SDK2: variants seen among roughly 807,000 people sequenced by gnomAD.
The protein encoded by SDK2 is protein sidekick-2.
A neutral mutation model predicts 253.9 loss-of-function variants in SDK2; 105 were observed. The ratio of observed to expected loss-of-function variants is 0.41; its 90% CI spans 0.35 to 0.49. SDK2 has a LOEUF of 0.49. Ranked by LOEUF, SDK2 falls within the 20% of genes least tolerant of loss-of-function variation. SDK2 has a pLI of 0.06. For missense variants in SDK2, 2,608 were observed against 3,003.0 expected, an observed-to-expected ratio of 0.87 and a Z score of 3.07; for synonymous variants, 1,249 against 1,234.9, an observed-to-expected ratio of 1.01 and a Z score of -0.24.
intron 4 of SDK2, among the ~76,000 whole-genome samples, chr17:73,449,633 G>T (rs1246624960): frequency 2.3e-5 from 3 of 130,822 alleles, no homozygotes; most frequent in Admixed American, 8.9e-5. Context: ...TTTCTGGAGA[G>T]CTCTTGGCTG....
At chr17:73,444,218 G>A (rs548517986) in intron 5 of SDK2, among the ~76,000 whole-genome samples, 3 of 152,172 alleles carry the variant, frequency 2.0e-5, no homozygotes, top group Non-Finnish European at 2.9e-5. Context: ...GCTCGGGGAC[G>A]CACATTAAGC....
chr17:73,572,425 G>A (rs187719751), intron 1 of SDK2, among the ~76,000 whole-genome samples: 1 of 152,096 alleles, frequency 6.6e-6, no homozygotes, highest in East Asian at 1.9e-4. Flanking sequence ...TTCCTAGCCA[G>A]CTCCCATCCA....
intron 12 of SDK2, among the ~76,000 whole-genome samples, chr17:73,425,870 C>T (rs1199435785): frequency 6.6e-6 from 1 of 152,020 alleles, no homozygotes; most frequent in Non-Finnish European, 1.5e-5. Flanking sequence ...AGGAAACTAA[C>T]ACCACCCACC....
chr17:73,390,520 G>A, intron 28 of SDK2, 39 bp from the exon 29 acceptor site: 3 of 1,565,770 alleles, frequency 1.9e-6, no homozygotes, highest in Admixed American at 1.8e-5. Context: ...GGCAAGCAAG[G>A]CAAGCCGCTC....
At chr17:73,483,511 ATGTGTGTGTG>A (rs1368476754) in intron 2 of SDK2, among the ~76,000 whole-genome samples, 14 of 44,602 alleles carry the variant, frequency 3.1e-4, no homozygotes, top group Non-Finnish European at 4.3e-4. Flanking sequence ...GTGTGTGTGT[ATGTGTGTGTG>A]TATATATATA....
chr17:73,432,349 A>AC (rs775987779), intron 10 of SDK2, among the ~76,000 whole-genome samples: 6 of 149,842 alleles, frequency 4.0e-5, no homozygotes, highest in Non-Finnish European at 8.9e-5. Flanking sequence ...ATTTTAAAGA[A>AC]CCCCCCACCC....
At chr17:73,607,742 G>A (rs1225541040) in intron 1 of SDK2, among the ~76,000 whole-genome samples, 1 of 152,164 alleles carries the variant, frequency 6.6e-6, no homozygotes, top group Non-Finnish European at 1.5e-5. Context: ...GCAACAGAGA[G>A]TCGGATCTCG....
At chr17:73,348,780 C>A in intron 43 of SDK2, 55 bp from the exon 44 acceptor site, 1 of 1,556,714 alleles carries the variant, frequency 6.4e-7, no homozygotes, top group South Asian at 1.1e-5. Context: ...AGCGGCCTCC[C>A]CTGGCCTAGG....
chr17:73,367,675 T>C (rs2062697532), intron 37 of SDK2, among the ~76,000 whole-genome samples: 2 of 151,866 alleles, frequency 1.3e-5, no homozygotes, highest in South Asian at 2.1e-4. Flanking sequence ...GATAATTTTT[T>C]ATATTTTTAG....
At position 73,402,067 on chromosome 17, in the gene SDK2, G is replaced by A; in HGVS notation, c.2559C>T (p.Ile853=). The change falls in exon 19 of 45, where the codon ATC becomes ATT. Residue 853 remains isoleucine, a synonymous_variant. Coordinates refer to ENST00000392650, the MANE Select transcript of SDK2 (RefSeq NM_001144952.2). The stretch of plus-strand genomic sequence containing the variant: ...TCAGGCCAGACACGAAGCCCACGTG[G>A]ATGCTGTCTTGAAAGTTAGGCCGGG... ...VTARPNFQDS[I]HVGFVSGLKK... is the part of the protein sequence containing the mutation. 6.2e-7 allele frequency: 1 copy of A among 1,614,054 alleles called. No homozygotes were observed. The highest frequency in any genetic ancestry group is 8.5e-7 in the Non-Finnish European group (1 of 1,179,888).
Position 73,643,121 on chromosome 17 carries a change from C to T in SDK2, c.64+904G>A, listed in dbSNP as rs2046418401. On this transcript the variant is annotated intron_variant, in intron 1 of 44. Transcript: ENST00000392650. The surrounding 1 kb of genome is among the most constrained non-coding windows in gnomAD (Gnocchi z 6.9). ...GAACCGCCGGTGCAGCCGCCCTTCA[C>T]CTCGGGGACCTGCCCGGGGACCAGG... 1 of 152,388 alleles carries T rather than the reference C, an allele frequency of 6.6e-6. No homozygotes were observed. Among genetic ancestry groups the T allele is most frequent in the Admixed American group, 6.5e-5 (1 of 15,288 alleles). The allele number at this position is 152,388 out of a possible 1,614,324, so 9.4% of individuals were successfully genotyped here. A position where few individuals can be genotyped will look rare whatever the true frequency, so the allele number is the denominator to read the frequency against.
chr17:73,538,625 C>T (rs2044818257), intron 1 of SDK2, among the ~76,000 whole-genome samples: 1 of 152,240 alleles, frequency 6.6e-6, no homozygotes, highest in East Asian at 1.9e-4. Context: ...CAACTTCTCG[C>T]CCACGCCTAG....
chr17:73,515,636 T>A (rs2064020090), intron 1 of SDK2, among the ~76,000 whole-genome samples: 1 of 152,112 alleles, frequency 6.6e-6, no homozygotes, highest in Non-Finnish European at 1.5e-5. Flanking sequence ...GGGGGCCAAG[T>A]AAAATGAAGC....
At chr17:73,367,046 C>T (rs2062690818) in intron 37 of SDK2, among the ~76,000 whole-genome samples, 1 of 152,190 alleles carries the variant, frequency 6.6e-6, no homozygotes, top group African/African-American at 2.4e-5. Flanking sequence ...CTCTGTCACC[C>T]AGGCTGGAGT....
intron 38 of SDK2, 59 bp downstream of exon 38, chr17:73,365,194 CTGAGA>C (rs1470990067): frequency 2.9e-5 from 39 of 1,336,576 alleles, no homozygotes; most frequent in South Asian, 2.8e-4. Context: ...GTGATGGGCG[CTGAGA>C]TGAGAGCGAG....
At chr17:73,412,579 T>C (rs2063148347) in intron 18 of SDK2, among the ~76,000 whole-genome samples, 1 of 152,124 alleles carries the variant, frequency 6.6e-6, no homozygotes, top group African/African-American at 2.4e-5. Context: ...AATGAGGTCA[T>C]TAGTGTGGGC....
At chr17:73,635,142 T>C (rs1567885781) in intron 1 of SDK2, among the ~76,000 whole-genome samples, 2 of 152,052 alleles carry the variant, frequency 1.3e-5, no homozygotes, top group Non-Finnish European at 2.9e-5. Context: ...CGTGCTACCA[T>C]GCCCAGCTCA....
Position 73,352,448 on chromosome 17 carries a change from A to G in SDK2, c.5758+25T>C, listed in dbSNP as rs984489076. The G allele has an allele frequency of 1.6e-5, 26 of 1,597,454 alleles. No homozygotes were observed. The highest frequency in any genetic ancestry group is 2.0e-5 in the Non-Finnish European group (24 of 1,172,768). The stretch of plus-strand genomic sequence containing the variant: ...CCAGGCTCTGCTGTGGGGCTCCCCC[A>G]CTCCCTCAGCCCCCAGGCCGGTACC... On this transcript the variant is annotated intron_variant, in intron 41 of 44. Coordinates refer to ENST00000392650, the MANE Select transcript of SDK2 (RefSeq NM_001144952.2). This position sits in a 1 kb window ranked among gnomAD's most constrained non-coding sequence, Gnocchi z 4.1.
In SDK2 at chr17:73,336,383, C is replaced by T. The variant is rs1202642533; in HGVS notation, c.*2204G>A. Reference sequence around the variant, plus strand: ...GGAGGCCCCGAGAGCACCTTACTTCCTGGAGGGGCAGAACCTCAGCCCTTG... The same window carrying T: ...GGAGGCCCCGAGAGCACCTTACTTCTTGGAGGGGCAGAACCTCAGCCCTTG... On this transcript the variant is annotated 3_prime_UTR_variant, in exon 45 of 45. Transcript: ENST00000392650. 6.6e-6 allele frequency: 1 copy of T among 152,184 alleles called. No homozygotes were observed. Among genetic ancestry groups the T allele is most frequent in the Non-Finnish European group, 1.5e-5 (1 of 68,034 alleles). The allele number at this position is 152,184 out of a possible 1,614,324, so 9.4% of individuals were successfully genotyped here.
Sources: gnomAD v4.1 joint callset for allele counts (sites outside exome capture counted in the v4.1 genomes callset) on GRCh38, gnomAD v4.1.1 for gene constraint, Gnocchi (gnomAD v3.1) non-coding constraint, MANE v1.5 for transcripts, NCBI Gene and HGNC (gene_info 2026-07-23, HGNC 2026-07-21) for gene names.